Variants in LGSN observed in about 807,000 individuals in gnomAD.
LGSN encodes the protein lengsin, lens protein with glutamine synthetase domain.
In LGSN, 21 loss-of-function variants were observed where a neutral mutation model predicts 19.5. The ratio of observed to expected loss-of-function variants is 1.07; its 90% CI spans 0.76 to 1.55. LGSN has a LOEUF of 1.55. Ranked by LOEUF, LGSN falls within the 40% of genes most tolerant of loss-of-function variation. The pLI is 0.00. For missense variants in LGSN, 673 were observed against 608.5 expected (o/e 1.11, Z -1.12); for synonymous variants, 257 against 215.6 (o/e 1.19, Z -1.68).
At chr6:63,335,450 G>C in the LGSN span, among the ~76,000 whole-genome samples, 2 of 151,976 alleles carry the variant, frequency 1.3e-5, no homozygotes, top group African/African-American at 4.8e-5. Flanking sequence ...AACAAAAACA[G>C]CTCAACAATA....
At chr6:63,382,838 T>C in the LGSN span, among the ~76,000 whole-genome samples, 24 of 152,156 alleles carry the variant, frequency 1.6e-4, no homozygotes, top group African/African-American at 5.6e-4. Context: ...GTACAACATA[T>C]ACATATATAA....
the LGSN span, among the ~76,000 whole-genome samples, chr6:63,414,296 T>C: frequency 1.3e-5 from 2 of 152,218 alleles, no homozygotes; most frequent in Non-Finnish European, 2.9e-5. Flanking sequence ...CTTGATATTT[T>C]TGTTGTCACA....
At chr6:63,351,420 A>T in the LGSN span, among the ~76,000 whole-genome samples, 1 of 148,238 alleles carries the variant, frequency 6.7e-6, no homozygotes, top group African/African-American at 2.4e-5. Context: ...TGTGTGTGAG[A>T]GAGAGAGAGA....
chr6:63,391,861 G>C, the LGSN span, among the ~76,000 whole-genome samples: 1 of 152,190 alleles, frequency 6.6e-6, no homozygotes, highest in Non-Finnish European at 1.5e-5. Context: ...GTCTTTCATA[G>C]AAGAGGTCTT....
At chr6:63,483,275 G>T in the LGSN span, among the ~76,000 whole-genome samples, 1 of 152,094 alleles carries the variant, frequency 6.6e-6, no homozygotes, top group Non-Finnish European at 1.5e-5. Context: ...ATGCTGGCTT[G>T]TGTCTTTATT....
chr6:63,544,242 T>C, the LGSN span, among the ~76,000 whole-genome samples: 1 of 152,148 alleles, frequency 6.6e-6, no homozygotes, highest in Non-Finnish European at 1.5e-5. Context: ...GCAAGAAAAA[T>C]ATAAAGAATT....
the LGSN span, among the ~76,000 whole-genome samples, chr6:63,342,697 G>A: frequency 1.3e-5 from 2 of 152,176 alleles, no homozygotes; most frequent in Non-Finnish European, 2.9e-5. Context: ...GGAAGGTTTG[G>A]TGATCAGCTT....
At chr6:63,550,421 AG>A in the LGSN span, 1 of 152,108 alleles carries the variant, frequency 6.6e-6, no homozygotes, top group Non-Finnish European at 1.5e-5. Flanking sequence ...ACTCTACCTG[AG>A]GGTGAAGCTA....
chr6:63,363,584 GGAA>G, the LGSN span, among the ~76,000 whole-genome samples: 1 of 152,134 alleles, frequency 6.6e-6, no homozygotes, highest in African/African-American at 2.4e-5. Context: ...TTGATCAAGT[GGAA>G]GAAAGGGTAT....
chr6:63,404,697 T>C, the LGSN span, among the ~76,000 whole-genome samples: 33 of 152,276 alleles, frequency 2.2e-4, no homozygotes, highest in African/African-American at 7.5e-4. Context: ...CCCCATCTTC[T>C]AATGTCATAA....
the LGSN span, among the ~76,000 whole-genome samples, chr6:63,403,163 T>C: frequency 1.3e-5 from 2 of 152,028 alleles, no homozygotes; most frequent in Non-Finnish European, 2.9e-5. Context: ...TAATCTAATA[T>C]AGGTGATAAA....
chr6:63,340,176 C>CTT, the LGSN span, among the ~76,000 whole-genome samples: 15 of 151,988 alleles, frequency 9.9e-5, no homozygotes, highest in African/African-American at 3.4e-4. Flanking sequence ...TGACTTGACG[C>CTT]TTTTCTCTTG....
At chr6:63,329,253 A>G in the LGSN span, among the ~76,000 whole-genome samples, 1 of 152,210 alleles carries the variant, frequency 6.6e-6, no homozygotes, top group Non-Finnish European at 1.5e-5. Flanking sequence ...AAGACCGTCC[A>G]CATAAGTTGG....
At chr6:63,364,708 T>C in the LGSN span, among the ~76,000 whole-genome samples, 1 of 148,364 alleles carries the variant, frequency 6.7e-6, no homozygotes, top group South Asian at 2.1e-4. Flanking sequence ...TCAGCAAATG[T>C]AAAAGAACAG....
chr6:63,493,344 T>A, the LGSN span, among the ~76,000 whole-genome samples: 2 of 152,224 alleles, frequency 1.3e-5, no homozygotes, highest in African/African-American at 4.8e-5. Flanking sequence ...TAATGAAATG[T>A]AATCAGCCAT....
At chr6:63,544,738 G>A in the LGSN span, among the ~76,000 whole-genome samples, 1 of 152,034 alleles carries the variant, frequency 6.6e-6, no homozygotes, top group African/African-American at 2.4e-5. Context: ...TTAGATTCAG[G>A]ATACACGTTT....
chr6:63,306,806 T>A (rs922713822), intron 1 of LGSN, among the ~76,000 whole-genome samples: 2 of 152,232 alleles, frequency 1.3e-5, no homozygotes, highest in Non-Finnish European at 2.9e-5. Context: ...TGTTGCCATA[T>A]TAAAACGTGG....
the LGSN span, among the ~76,000 whole-genome samples, chr6:63,541,490 T>A: frequency 3.3e-5 from 5 of 151,702 alleles, no homozygotes; most frequent in Admixed American, 2.6e-4. Flanking sequence ...GAGGCAGAGG[T>A]TGCAGTGAGC....
the LGSN span, among the ~76,000 whole-genome samples, chr6:63,515,305 C>T: frequency 0.017 from 2,526 of 152,230 alleles, 74 homozygotes; most frequent in African/African-American, 0.057. Flanking sequence ...GATCTCAGCT[C>T]ACTGCAACCT....
Sources: allele counts gnomAD v4.1 joint callset (sites outside exome capture counted in the v4.1 genomes callset), GRCh38; gene constraint gnomAD v4.1.1; transcripts MANE v1.5; gene names NCBI Gene and HGNC (gene_info 2026-07-23, HGNC 2026-07-21).